Variants in DYM observed in about 807,000 individuals in gnomAD.
The protein encoded by DYM is dymeclin.
Under a neutral mutation model 93.1 loss-of-function variants are expected in DYM, and 78 were observed. The observed-to-expected ratio is 0.84, with a 90% CI of 0.70 to 1.01. DYM has a LOEUF of 1.01. Ranked by LOEUF, DYM falls within the 50% of genes least tolerant of loss-of-function variation. DYM has a pLI of 0.00. For missense variants in DYM, 789 were observed against 845.0 expected (o/e 0.93, Z 0.82); for synonymous variants, 321 against 319.7 (o/e 1.00, Z -0.04).
At chr18:49,081,490 C>A (rs1334062237) in intron 17 of DYM, among the ~76,000 whole-genome samples, 115 of 142,778 alleles carry the variant, frequency 8.1e-4, no homozygotes, top group African/African-American at 2.7e-3. Context: ...AGAGGGAGAC[C>A]GTGGAAAGAG....
intron 1 of DYM, among the ~76,000 whole-genome samples, chr18:49,432,894 C>G (rs2080469096): frequency 6.6e-6 from 1 of 152,120 alleles, no homozygotes; most frequent in Non-Finnish European, 1.5e-5. Context: ...GCTACTGAGC[C>G]TGGCCAAGAG....
intron 14 of DYM, among the ~76,000 whole-genome samples, chr18:49,202,199 G>C (rs1272304497): frequency 6.6e-6 from 1 of 152,194 alleles, no homozygotes; most frequent in Non-Finnish European, 1.5e-5. Context: ...TCCAACCCTA[G>C]TCCCTTTCAC....
At chr18:49,139,269 T>C (rs1348897131) in intron 15 of DYM, among the ~76,000 whole-genome samples, 1 of 152,124 alleles carries the variant, frequency 6.6e-6, no homozygotes, top group South Asian at 2.1e-4. Context: ...CTTCCCCAAA[T>C]CCATGACCTA....
rs540489386 is a variant in DYM at position 49,211,205 on chromosome 18, T to C, written c.1461-1490A>G. The stretch of plus-strand genomic sequence containing the variant: ...ATGATCTCTCTAAGCCTCAAACCCA[T>C]AAGCGAACAACATAGTAAAAAATTT... On this transcript the variant is annotated intron_variant, in intron 13 of 17. Coordinates refer to ENST00000675505, the MANE Select transcript of DYM (RefSeq NM_001353214.3). Among the ~76,000 whole-genome samples the C allele has an allele frequency of 2.0e-5, 3 of 152,252 alleles. No homozygotes were observed. In the East Asian group the frequency reaches 5.8e-4, roughly 29 times the overall value.
chr18:49,397,251 T>A (rs1296920802), intron 2 of DYM, among the ~76,000 whole-genome samples: 1 of 152,248 alleles, frequency 6.6e-6, no homozygotes, highest in African/African-American at 2.4e-5. Flanking sequence ...ATGTAGTAAT[T>A]TACCCATAGA....
At chr18:49,412,882 G>A (rs1295971239) in intron 2 of DYM, 2 of 152,140 alleles carry the variant, frequency 1.3e-5, no homozygotes, top group African/African-American at 2.4e-5. Context: ...AAGAAACTTT[G>A]ACAAAGGATC....
chr18:49,449,481 T>C (rs1225291227), intron 1 of DYM, among the ~76,000 whole-genome samples: 2 of 152,166 alleles, frequency 1.3e-5, no homozygotes, highest in African/African-American at 4.8e-5. Context: ...TCTTTCACAG[T>C]GTACAATGGT....
rs2071106745 is a variant in DYM, at chr18:49,043,728, T to C, written c.*327A>G. The C allele has an allele frequency of 5.4e-6, 2 of 369,408 alleles. No individual in the cohort carries two copies. Among genetic ancestry groups the C allele is most frequent in the African/African-American group, 4.2e-5 (2 of 48,094 alleles). The allele number at this position is 369,408 out of a possible 1,614,324, so 22.9% of individuals were successfully genotyped here. A position where few individuals can be genotyped will look rare whatever the true frequency, so the allele number is the denominator to read the frequency against. The stretch of plus-strand genomic sequence containing the variant: ...TGCACTGTTGGATAGTGTGCACTGT[T>C]GAAGTGTGATGTGCCTAAGGCAACA... On this transcript the variant is annotated 3_prime_UTR_variant, in exon 18 of 18. Transcript: ENST00000675505.
intron 1 of DYM, among the ~76,000 whole-genome samples, chr18:49,452,756 G>T (rs2082635126): frequency 8.8e-6 from 1 of 113,372 alleles, no homozygotes; most frequent in African/African-American, 3.6e-5. Flanking sequence ...CACAGCGCGG[G>T]ACTGGCAGGC....
intron 13 of DYM, among the ~76,000 whole-genome samples, chr18:49,233,101 C>G (rs1407751689): frequency 1.3e-5 from 2 of 152,090 alleles, no homozygotes; most frequent in Non-Finnish European, 2.9e-5. Context: ...GTGGCTCACG[C>G]CTGTAATCCC....
chr18:49,300,223 C>T (rs2060830569), intron 8 of DYM, among the ~76,000 whole-genome samples: 1 of 151,312 alleles, frequency 6.6e-6, no homozygotes, highest in South Asian at 2.1e-4. Context: ...TATATTTTGA[C>T]ATACTCAAAA....
intron 2 of DYM, among the ~76,000 whole-genome samples, chr18:49,402,433 T>C (rs980024225): frequency 1.3e-5 from 2 of 152,166 alleles, no homozygotes; most frequent in African/African-American, 4.8e-5. Flanking sequence ...AAGAAAAAGA[T>C]AATGAGAACG....
chr18:49,112,148 C>G (rs947033793), intron 16 of DYM, among the ~76,000 whole-genome samples: 8 of 151,748 alleles, frequency 5.3e-5, no homozygotes, highest in Non-Finnish European at 1.2e-4. Context: ...TCCGCACCCC[C>G]ACCCCTGCCA....
At position 49,157,409 on chromosome 18, in the gene DYM, T is replaced by C. The variant is rs1014542025; in HGVS notation, c.1728+6276A>G. Among the ~76,000 whole-genome samples, 7 of 152,282 alleles carry C rather than the reference T, an allele frequency of 4.6e-5. No individual in the cohort carries two copies. In the South Asian group the frequency reaches 1.0e-3, roughly 23 times the overall value. ...ATAGCTAACCTTATCAAGCACTTGC[T>C]TCATGCCAAGGATCCTACCTCATTC... On this transcript the variant is annotated intron_variant, in intron 15 of 17. Coordinates refer to ENST00000675505, the MANE Select transcript of DYM (RefSeq NM_001353214.3).
chr18:49,083,932 T>C (rs1350681324), intron 17 of DYM, among the ~76,000 whole-genome samples: 2 of 152,170 alleles, frequency 1.3e-5, no homozygotes, highest in African/African-American at 2.4e-5. Flanking sequence ...TATTGATCTT[T>C]TCAAAGAATC....
intron 1 of DYM, among the ~76,000 whole-genome samples, chr18:49,437,019 G>C (rs2080919326): frequency 2.6e-5 from 4 of 152,096 alleles, no homozygotes; most frequent in Admixed American, 2.6e-4. Context: ...GCAACAACGA[G>C]AAACAATACT....
intron 8 of DYM, among the ~76,000 whole-genome samples, chr18:49,331,583 C>T (rs767339221): frequency 7.2e-5 from 11 of 152,180 alleles, no homozygotes; most frequent in Non-Finnish European, 1.3e-4. Flanking sequence ...TTTATTTTTA[C>T]TATACAGCTA....
chr18:49,311,178 C>A (rs2061565733), intron 8 of DYM, among the ~76,000 whole-genome samples: 1 of 152,120 alleles, frequency 6.6e-6, no homozygotes, highest in Non-Finnish European at 1.5e-5. Flanking sequence ...CAGAGAAGCA[C>A]AAGGCACAGC....
intron 14 of DYM, among the ~76,000 whole-genome samples, chr18:49,202,457 G>A (rs969618526): frequency 1.4e-5 from 2 of 139,288 alleles, no homozygotes; most frequent in Non-Finnish European, 3.1e-5. Flanking sequence ...GCCGCCCATC[G>A]TCTGGGATGT....
Sources: allele counts gnomAD v4.1 joint callset (sites outside exome capture counted in the v4.1 genomes callset), GRCh38; gene constraint gnomAD v4.1.1; transcripts MANE v1.5; gene names NCBI Gene and HGNC (gene_info 2026-07-23, HGNC 2026-07-21).